The following GAP43 variants were observed in gnomAD, a reference collection of about 807,000 sequenced individuals.
GAP43 encodes growth associated protein 43, also known as neuromodulin.
GAP43 carries 6 observed loss-of-function variants against 18.6 expected under a neutral mutation model. The ratio of observed to expected loss-of-function variants is 0.32; its 90% CI spans 0.18 to 0.64. The LOEUF (loss-of-function observed/expected upper bound fraction) is 0.64, where lower values mean the gene tolerates loss of function less well. Ranked by LOEUF, GAP43 falls within the 30% of genes least tolerant of loss-of-function variation. The pLI, the probability that GAP43 is intolerant of heterozygous loss-of-function variation, is 0.78. For missense variants in GAP43, 292 were observed against 295.5 expected (o/e 0.99, Z 0.09); for synonymous variants, 115 against 111.4 (o/e 1.03, Z -0.20).
intron 1 of GAP43, among the ~76,000 whole-genome samples, chr3:115,627,020 A>C (rs1326463909): frequency 6.6e-6 from 1 of 151,302 alleles, no homozygotes; most frequent in East Asian, 1.9e-4. Flanking sequence ...CATTTTACTT[A>C]ATATAATTGA....
chr3:115,704,042 G>A (rs1161084182), intron 2 of GAP43, among the ~76,000 whole-genome samples: 1 of 152,072 alleles, frequency 6.6e-6, no homozygotes, highest in African/African-American at 2.4e-5. Flanking sequence ...ACAGGCCCCA[G>A]GAAGCCAAGG....
chr3:115,637,735 C>T (rs953361957), intron 1 of GAP43, among the ~76,000 whole-genome samples: 2 of 151,912 alleles, frequency 1.3e-5, no homozygotes, highest in Non-Finnish European at 2.9e-5. Flanking sequence ...TTACTGTCTA[C>T]TGGAAATATT....
intron 2 of GAP43, among the ~76,000 whole-genome samples, chr3:115,719,249 G>A (rs1577005820): frequency 1.4e-5 from 2 of 144,536 alleles, no homozygotes; most frequent in South Asian, 2.3e-4. Flanking sequence ...CAGAGGCATC[G>A]TCAATATCAG....
intron 1 of GAP43, among the ~76,000 whole-genome samples, chr3:115,652,221 A>G (rs1010294147): frequency 6.6e-6 from 1 of 151,920 alleles, no homozygotes; most frequent in Non-Finnish European, 1.5e-5. Flanking sequence ...AATTCTGAAG[A>G]TATTATCTTT....
At chr3:115,706,038 T>A (rs963509794) in intron 2 of GAP43, among the ~76,000 whole-genome samples, 6 of 152,094 alleles carry the variant, frequency 3.9e-5, no homozygotes, top group Non-Finnish European at 4.4e-5. Flanking sequence ...GGATTCCCTA[T>A]TTGAGAACGC....
chr3:115,669,077 C>A (rs891546978), intron 1 of GAP43, among the ~76,000 whole-genome samples: 60 of 151,182 alleles, frequency 4.0e-4, no homozygotes, highest in African/African-American at 1.4e-3. Flanking sequence ...AGTACACACA[C>A]ACACACACAC....
intron 2 of GAP43, among the ~76,000 whole-genome samples, chr3:115,704,404 A>C (rs1709335126): frequency 2.6e-5 from 4 of 152,056 alleles, no homozygotes; most frequent in Admixed American, 6.6e-5. Flanking sequence ...ACCATAATCA[A>C]ATGCTAACTA....
At chr3:115,634,325 G>A (rs1205497598) in intron 1 of GAP43, among the ~76,000 whole-genome samples, 3 of 152,002 alleles carry the variant, frequency 2.0e-5, no homozygotes, top group South Asian at 4.1e-4. Context: ...CTTTGATTCC[G>A]GAACCAATTT....
chr3:115,634,540 C>T (rs903466195), intron 1 of GAP43, among the ~76,000 whole-genome samples: 3 of 152,008 alleles, frequency 2.0e-5, no homozygotes, highest in African/African-American at 7.2e-5. Context: ...ATTCGGGAGG[C>T]TGAGGCTGGA....
At chr3:115,663,660 T>A (rs1475911630) in intron 1 of GAP43, 7 of 1,434,118 alleles carry the variant, frequency 4.9e-6, no homozygotes, top group Admixed American at 5.9e-5. Flanking sequence ...GCTTAAAAAA[T>A]TTTATTTCTA....
chr3:115,719,725 A>G (rs564961500), intron 2 of GAP43, among the ~76,000 whole-genome samples: 2 of 152,272 alleles, frequency 1.3e-5, no homozygotes, highest in East Asian at 3.9e-4. Flanking sequence ...GCTGCAATAA[A>G]TTTTAGTTAT....
chr3:115,708,881 A>G (rs530088155), intron 2 of GAP43, among the ~76,000 whole-genome samples: 2 of 148,556 alleles, frequency 1.3e-5, no homozygotes, highest in Non-Finnish European at 3.0e-5. Context: ...GGAGAGATGT[A>G]GAGTTGTAGA....
At chr3:115,658,846 G>T (rs1299544079) in intron 1 of GAP43, 1 of 152,354 alleles carries the variant, frequency 6.6e-6, no homozygotes, top group Non-Finnish European at 1.5e-5. Flanking sequence ...CGGGAGGAGG[G>T]CACCCAGGGG....
intron 2 of GAP43, among the ~76,000 whole-genome samples, chr3:115,716,818 A>C: frequency 7.1e-6 from 1 of 140,236 alleles, no homozygotes; most frequent in South Asian, 2.4e-4. Flanking sequence ...TAACTGACTA[A>C]CATTTCCTTT....
intron 2 of GAP43, among the ~76,000 whole-genome samples, chr3:115,711,669 T>C (rs1341617802): frequency 6.6e-6 from 1 of 152,184 alleles, no homozygotes; most frequent in Non-Finnish European, 1.5e-5. Context: ...TGTTTATCTT[T>C]AGGCTGACTC....
chr3:115,642,406 AT>A lies in GAP43; in HGVS notation c.30+18702del, dbSNP rs138534824. ...CTATGCTGGGTACTGGAAATACAGAATTTTTTTTTTTTTTTAAAGAAACACT... is the reference window on the plus strand; with the variant it reads ...CTATGCTGGGTACTGGAAATACAGAATTTTTTTTTTTTTTAAAGAAACACT... On this transcript the variant is annotated intron_variant, in intron 1 of 2. Transcript: ENST00000305124. Among the ~76,000 whole-genome samples the A allele has an allele frequency of 8.7e-3, 1,252 of 144,636 alleles. 9 individuals are homozygous for A. The highest frequency in any genetic ancestry group is 7.4e-3 in the Non-Finnish European group (482 of 65,250). 94.9% of individuals were successfully genotyped at this position (144,636 alleles called of 152,430 possible). A position where few individuals can be genotyped will look rare whatever the true frequency, so the allele number is the denominator to read the frequency against.
chr3:115,711,438 G>C (rs2107375646), intron 2 of GAP43, among the ~76,000 whole-genome samples: 1 of 152,084 alleles, frequency 6.6e-6, no homozygotes, highest in South Asian at 2.1e-4. Flanking sequence ...CTGAAACTCA[G>C]GTCTTTAGAA....
intron 2 of GAP43, among the ~76,000 whole-genome samples, chr3:115,680,123 A>C (rs1310774251): frequency 6.6e-6 from 1 of 151,188 alleles, no homozygotes; most frequent in African/African-American, 2.4e-5. Context: ...CTTTATATTA[A>C]CTTTCTTCTG....
chr3:115,679,162 C>T (rs946372293), intron 2 of GAP43, among the ~76,000 whole-genome samples: 4 of 151,460 alleles, frequency 2.6e-5, no homozygotes, highest in South Asian at 2.1e-4. Context: ...CCTGGAGGGG[C>T]GTGGACAGAC....
Sources: allele counts gnomAD v4.1 joint callset (sites outside exome capture counted in the v4.1 genomes callset), GRCh38; gene constraint gnomAD v4.1.1; transcripts MANE v1.5; gene names NCBI Gene and HGNC (gene_info 2026-07-23, HGNC 2026-07-21).